TEKTL1: variants seen among roughly 807,000 people sequenced by gnomAD.
TEKTL1 encodes the protein tektin like 1, also known as tektin-like protein 1.
the TEKTL1 span, chr19:15,022,910 A>G: frequency 6.2e-7 from 1 of 1,604,904 alleles, no homozygotes; most frequent in Admixed American, 1.7e-5. Flanking sequence ...GTACCTGGAA[A>G]AGAACCTGGA....
the TEKTL1 span, chr19:15,021,297 A>T: frequency 6.3e-7 from 1 of 1,595,802 alleles, no homozygotes; most frequent in Non-Finnish European, 8.6e-7. Flanking sequence ...AGAGAGGGAC[A>T]GGGGCTCTGG....
chr19:15,011,250 G>A, the TEKTL1 span: 2 of 1,504,902 alleles, frequency 1.3e-6, no homozygotes, highest in South Asian at 2.6e-5. Flanking sequence ...CGCCTCGGCC[G>A]CGCGCAGCAC....
the TEKTL1 span, among the ~76,000 whole-genome samples, chr19:15,017,345 A>G: frequency 4.6e-5 from 7 of 151,834 alleles, no homozygotes; most frequent in South Asian, 6.3e-4. Context: ...GAAATATTTT[A>G]TATCTTGATG....
the TEKTL1 span, chr19:15,010,900 T>G: frequency 1.3e-6 from 2 of 1,569,326 alleles, no homozygotes; most frequent in Non-Finnish European, 1.7e-6. Flanking sequence ...GCGAGGCAGC[T>G]CAGGCCATGG....
chr19:15,022,724 T>TA, the TEKTL1 span: 3,020 of 783,468 alleles, frequency 3.9e-3, 31 homozygotes, highest in Non-Finnish European at 4.3e-3. Context: ...CTGTCGCGGT[T>TA]TTTTTTTTTT....
chr19:15,017,449 A>G, the TEKTL1 span, among the ~76,000 whole-genome samples: 1 of 152,164 alleles, frequency 6.6e-6, no homozygotes, highest in African/African-American at 2.4e-5. Context: ...GATATGCTTC[A>G]TTTTATTGTG....
At chr19:15,020,576 G>A in the TEKTL1 span, 1 of 1,614,042 alleles carries the variant, frequency 6.2e-7, no homozygotes, top group Non-Finnish European at 8.5e-7. Flanking sequence ...CGCCACTCAT[G>A]GGTGAACCTC....
the TEKTL1 span, among the ~76,000 whole-genome samples, chr19:15,022,447 G>T: frequency 5.9e-5 from 9 of 152,048 alleles, no homozygotes; most frequent in Non-Finnish European, 1.3e-4. Flanking sequence ...TCCTGCCTCA[G>T]CCTCCTGAGT....
At chr19:15,022,848 G>T in the TEKTL1 span, 1 of 1,568,916 alleles carries the variant, frequency 6.4e-7, no homozygotes, top group East Asian at 2.4e-5. Flanking sequence ...CTGGCTCACG[G>T]GTCTGCCCTG....
chr19:15,012,523 C>T, the TEKTL1 span, among the ~76,000 whole-genome samples: 1 of 151,902 alleles, frequency 6.6e-6, no homozygotes, highest in African/African-American at 2.4e-5. Flanking sequence ...GATAGGGCCA[C>T]TACACTTCAG....
At chr19:15,011,111 T>A in the TEKTL1 span, 1 of 1,558,924 alleles carries the variant, frequency 6.4e-7, no homozygotes, top group Admixed American at 1.9e-5. Flanking sequence ...CGTCACGCTG[T>A]GGAAGGGCAA....
At chr19:15,012,043 G>A in the TEKTL1 span, among the ~76,000 whole-genome samples, 4 of 151,756 alleles carry the variant, frequency 2.6e-5, no homozygotes, top group African/African-American at 9.7e-5. Flanking sequence ...ATTGCTTGAG[G>A]CCAGGAGTTG....
the TEKTL1 span, among the ~76,000 whole-genome samples, chr19:15,011,640 A>G: frequency 1.3e-5 from 2 of 151,722 alleles, no homozygotes; most frequent in Non-Finnish European, 2.9e-5. Flanking sequence ...AGGCTGAGGC[A>G]GGAGAATCAC....
At chr19:15,014,923 C>A in the TEKTL1 span, among the ~76,000 whole-genome samples, 1 of 152,162 alleles carries the variant, frequency 6.6e-6, no homozygotes, top group African/African-American at 2.4e-5. Flanking sequence ...ATGGATCATG[C>A]CCATAATCTC....
the TEKTL1 span, chr19:15,022,749 C>T: frequency 2.1e-6 from 2 of 932,208 alleles, no homozygotes; most frequent in Admixed American, 6.3e-5. Flanking sequence ...GCACACCTGG[C>T]CCATTCAGAT....
At chr19:15,015,879 T>C in the TEKTL1 span, among the ~76,000 whole-genome samples, 2 of 152,200 alleles carry the variant, frequency 1.3e-5, no homozygotes, top group Non-Finnish European at 2.9e-5. Context: ...CCCACCTCTC[T>C]TGATCTACAT....
At chr19:15,021,068 C>A in the TEKTL1 span, among the ~76,000 whole-genome samples, 1 of 151,806 alleles carries the variant, frequency 6.6e-6, no homozygotes, top group Non-Finnish European at 1.5e-5. Context: ...TTAGTAGAGG[C>A]GGGTGTTTCA....
chr19:15,016,142 G>C, the TEKTL1 span, among the ~76,000 whole-genome samples: 1 of 151,474 alleles, frequency 6.6e-6, no homozygotes, highest in Non-Finnish European at 1.5e-5. Context: ...GAGACTCAGG[G>C]ACTGGTGGAA....
the TEKTL1 span, among the ~76,000 whole-genome samples, chr19:15,018,423 C>A: frequency 6.6e-6 from 1 of 151,828 alleles, no homozygotes; most frequent in African/African-American, 2.4e-5. Context: ...TAAGACATTT[C>A]TCTAGCTGGG....
Sources: gnomAD v4.1 joint callset for allele counts (sites outside exome capture counted in the v4.1 genomes callset) on GRCh38, gnomAD v4.1.1 for gene constraint, MANE v1.5 for transcripts, NCBI Gene and HGNC (gene_info 2026-07-23, HGNC 2026-07-21) for gene names.